Variants in TENM3 observed in about 807,000 individuals in gnomAD.
The protein encoded by TENM3 is teneurin-3.
A neutral mutation model predicts 255.1 loss-of-function variants in TENM3; 63 were observed. The ratio of observed to expected loss-of-function variants is 0.25; its 90% CI spans 0.20 to 0.30. The LOEUF is 0.30. Ranked by LOEUF, TENM3 falls within the 10% of genes least tolerant of loss-of-function variation. The probability of loss-of-function intolerance (pLI) is 1.00; values close to 1 mark genes in which losing one functional copy is unlikely to be tolerated. For missense variants in TENM3, 2,929 were observed against 3,461.1 expected (o/e 0.85, Z 3.86); for synonymous variants, 1,306 against 1,322.3 (o/e 0.99, Z 0.27).
the TENM3 span, among the ~76,000 whole-genome samples, chr4:181,597,572 A>C: frequency 6.6e-6 from 1 of 152,014 alleles, no homozygotes; most frequent in African/African-American, 2.4e-5. Context: ...ATTCCTTAAC[A>C]GTTGTCTATG....
chr4:182,249,364 A>C (rs1757846198), intron 1 of TENM3, among the ~76,000 whole-genome samples: 1 of 152,224 alleles, frequency 6.6e-6, no homozygotes, highest in African/African-American at 2.4e-5. Context: ...ATAATCCCCA[A>C]ATCTATGACT....
the TENM3 span, among the ~76,000 whole-genome samples, chr4:181,716,968 C>T: frequency 6.6e-6 from 1 of 152,096 alleles, no homozygotes; most frequent in Non-Finnish European, 1.5e-5. Flanking sequence ...ATATTCTTGC[C>T]AACTTTGGTG....
the TENM3 span, among the ~76,000 whole-genome samples, chr4:181,858,413 G>A: frequency 9.2e-5 from 14 of 152,194 alleles, no homozygotes; most frequent in Admixed American, 7.9e-4. Flanking sequence ...ACACTAGTGA[G>A]GCACATCAGA....
chr4:182,206,511 C>T (rs72696047), intron 1 of TENM3, among the ~76,000 whole-genome samples: 6,191 of 152,248 alleles, frequency 0.041, 190 homozygotes, highest in East Asian at 0.18. Context: ...TCGCCCTACC[C>T]GCTTACCTAA....
At chr4:181,866,375 G>C in the TENM3 span, among the ~76,000 whole-genome samples, 2 of 152,086 alleles carry the variant, frequency 1.3e-5, no homozygotes, top group Non-Finnish European at 2.9e-5. Flanking sequence ...TCCTCCACGC[G>C]GTTACTTAGT....
the TENM3 span, among the ~76,000 whole-genome samples, chr4:182,041,945 G>A: frequency 5.9e-5 from 9 of 152,288 alleles, no homozygotes; most frequent in Middle Eastern, 6.8e-3. Flanking sequence ...TATTTCTACA[G>A]GCTTTTCTTT....
At chr4:182,373,900 C>T (rs1013627262) in intron 3 of TENM3, among the ~76,000 whole-genome samples, 1 of 152,146 alleles carries the variant, frequency 6.6e-6, no homozygotes, top group African/African-American at 2.4e-5. Context: ...GATTCCCCTA[C>T]TTTGTGAAAA....
At chr4:182,435,344 T>A (rs559945833) in intron 3 of TENM3, among the ~76,000 whole-genome samples, 2 of 152,278 alleles carry the variant, frequency 1.3e-5, no homozygotes, top group East Asian at 3.9e-4. Flanking sequence ...TGCAGGTGAA[T>A]TTTTTTTCTT....
At chr4:182,758,087 A>C (rs1762863978) in intron 22 of TENM3, among the ~76,000 whole-genome samples, 1 of 152,210 alleles carries the variant, frequency 6.6e-6, no homozygotes, top group African/African-American at 2.4e-5. Context: ...GCGTTTTGTT[A>C]ATTTTCCTCA....
the TENM3 span, among the ~76,000 whole-genome samples, chr4:181,673,931 T>C: frequency 2.0e-5 from 3 of 151,788 alleles, no homozygotes; most frequent in African/African-American, 7.2e-5. Flanking sequence ...TTACACATGA[T>C]TGAGGTTGCA....
At chr4:182,353,311 T>C (rs1580259750) in intron 3 of TENM3, among the ~76,000 whole-genome samples, 1 of 152,204 alleles carries the variant, frequency 6.6e-6, no homozygotes, top group Admixed American at 6.5e-5. Flanking sequence ...CTATTATACA[T>C]ACTAAACTAT....
At chr4:181,521,637 C>A in the TENM3 span, among the ~76,000 whole-genome samples, 19 of 152,144 alleles carry the variant, frequency 1.2e-4, no homozygotes, top group Non-Finnish European at 2.6e-4. Flanking sequence ...TTGACTATCC[C>A]CATCAATACA....
chr4:181,607,129 G>A, the TENM3 span, among the ~76,000 whole-genome samples: 3 of 152,186 alleles, frequency 2.0e-5, no homozygotes, highest in Admixed American at 1.3e-4. Context: ...AGACAGAGTT[G>A]GAATTTGGTC....
the TENM3 span, among the ~76,000 whole-genome samples, chr4:181,768,545 A>C: frequency 6.6e-6 from 1 of 152,242 alleles, no homozygotes; most frequent in African/African-American, 2.4e-5. Context: ...AATGAACTAA[A>C]ATGTTAGATA....
At chr4:181,563,859 A>G in the TENM3 span, among the ~76,000 whole-genome samples, 1 of 152,138 alleles carries the variant, frequency 6.6e-6, no homozygotes, top group Non-Finnish European at 1.5e-5. Context: ...CTAACCATAC[A>G]GTAGACCAAC....
chr4:181,862,554 C>T, the TENM3 span, among the ~76,000 whole-genome samples: 7 of 152,020 alleles, frequency 4.6e-5, no homozygotes, highest in African/African-American at 1.4e-4. Flanking sequence ...GTCACAGAGC[C>T]AACTGCTATG....
chr4:182,217,064 A>G (rs1755534004), intron 1 of TENM3, among the ~76,000 whole-genome samples: 1 of 117,242 alleles, frequency 8.5e-6, no homozygotes, highest in Non-Finnish European at 1.6e-5. Flanking sequence ...ACTCTGTCCC[A>G]GGCTAGAGTG....
At chr4:182,242,717 C>T (rs766897447), upstream of TENM3, among the ~76,000 whole-genome samples, 4 of 152,128 alleles carry the variant, frequency 2.6e-5, no homozygotes, top group African/African-American at 7.2e-5. Context: ...GCTGAGATTG[C>T]GCCAGTGCAC....
At chr4:181,710,347 C>T in the TENM3 span, among the ~76,000 whole-genome samples, 2 of 152,078 alleles carry the variant, frequency 1.3e-5, no homozygotes. Context: ...AAAATGCTGA[C>T]GAGGACCAAA....
Sources: allele counts gnomAD v4.1 joint callset (sites outside exome capture counted in the v4.1 genomes callset), GRCh38; gene constraint gnomAD v4.1.1; transcripts MANE v1.5; gene names NCBI Gene and HGNC (gene_info 2026-07-23, HGNC 2026-07-21).